EBF4: variants seen among roughly 807,000 people sequenced by gnomAD.
EBF4 encodes the protein transcription factor COE4.
Under a neutral mutation model 67.1 loss-of-function variants are expected in EBF4, and 34 were observed. The ratio of observed to expected loss-of-function variants is 0.51; its 90% CI spans 0.39 to 0.67. The LOEUF (loss-of-function observed/expected upper bound fraction) is 0.67, where lower values mean the gene tolerates loss of function less well. Ranked by LOEUF, EBF4 falls within the 30% of genes least tolerant of loss-of-function variation. The pLI is 0.00. For synonymous variants in EBF4, 387 were observed against 377.7 expected (o/e 1.02, Z -0.29); for missense variants, 837 against 873.3 (o/e 0.96, Z 0.52).
At chr20:2,705,248 A>C (rs1053121839) in intron 1 of EBF4, among the ~76,000 whole-genome samples, 1 of 152,184 alleles carries the variant, frequency 6.6e-6, no homozygotes, top group African/African-American at 2.4e-5. Flanking sequence ...ATTGGTTCAT[A>C]CTTTTGATTT....
intron 14 of EBF4, chr20:2,754,979 C>CCCCGCCA (rs1555789843): frequency 8.1e-6 from 1 of 123,930 alleles, no homozygotes. Flanking sequence ...CACCCCCCCC[C>CCCCGCCA]ACAGGGCCCA....
intron 8 of EBF4, 28 bp downstream of exon 8, chr20:2,749,546 G>A (rs888348642): frequency 6.5e-7 from 1 of 1,538,858 alleles, no homozygotes; most frequent in Non-Finnish European, 8.8e-7. Context: ...AGCCCCGGCC[G>A]CCGCGGGCCC....
chr20:2,718,941 G>A (rs964264335), intron 6 of EBF4, among the ~76,000 whole-genome samples: 17 of 151,914 alleles, frequency 1.1e-4, no homozygotes, highest in Non-Finnish European at 2.4e-4. Flanking sequence ...TACTGCTTTC[G>A]GAGCATACCC....
Position 2,739,205 on chromosome 20 carries a change from C to T in EBF4, c.558-9344C>T, listed in dbSNP as rs2087933481. On this transcript the variant is annotated intron_variant, in intron 6 of 16. Coordinates refer to ENST00000609451, the Ensembl canonical transcript of EBF4. The surrounding 1 kb of genome is among the most constrained non-coding windows in gnomAD (Gnocchi z 4.5). Reference sequence around the variant, plus strand: ...AGGGAGACATCCCCTGTAGCCTTCCCATCACCCAGAGGATCCAAGTCCCGC... The same window carrying T: ...AGGGAGACATCCCCTGTAGCCTTCCTATCACCCAGAGGATCCAAGTCCCGC... Among the ~76,000 whole-genome samples the T allele has an allele frequency of 6.6e-6, 1 of 152,150 alleles. No individual in the cohort carries two copies. Among genetic ancestry groups the T allele is most frequent in the Non-Finnish European group, 1.5e-5 (1 of 68,028 alleles).
chr20:2,697,253 G>C (rs554110227), intron 1 of EBF4, among the ~76,000 whole-genome samples: 2 of 152,156 alleles, frequency 1.3e-5, no homozygotes, highest in African/African-American at 4.8e-5. Context: ...GAGCAAAAGA[G>C]GGGTAGGGAG....
intron 6 of EBF4, among the ~76,000 whole-genome samples, chr20:2,731,384 C>A (rs749000389): frequency 3.9e-5 from 6 of 152,170 alleles, no homozygotes; most frequent in Non-Finnish European, 8.8e-5. Flanking sequence ...TAAGGTGACA[C>A]CCTCATCTGT....
At chr20:2,714,522 G>A (rs1389741608) in intron 6 of EBF4, among the ~76,000 whole-genome samples, 1 of 152,014 alleles carries the variant, frequency 6.6e-6, no homozygotes, top group Non-Finnish European at 1.5e-5. Context: ...CAGCTAACTT[G>A]TGTATTTTTT....
intron 6 of EBF4, among the ~76,000 whole-genome samples, chr20:2,744,371 G>C (rs376591043): frequency 6.6e-6 from 1 of 151,722 alleles, no homozygotes; most frequent in Non-Finnish European, 1.5e-5. Context: ...TAGTAAATGC[G>C]AGTCACTTTC....
At chr20:2,711,180 A>ATAAT (rs201756294) in intron 6 of EBF4, among the ~76,000 whole-genome samples, 9 of 144,596 alleles carry the variant, frequency 6.2e-5, no homozygotes, top group African/African-American at 2.4e-4. Context: ...AATAATAATA[A>ATAAT]AATTAAATTA....
At chr20:2,757,726 C>A (rs1404969737) in intron 15 of EBF4, among the ~76,000 whole-genome samples, 4 of 152,166 alleles carry the variant, frequency 2.6e-5, no homozygotes, top group Non-Finnish European at 4.4e-5. Flanking sequence ...GTGGGCAGAT[C>A]GCTTGAGATC....
intron 4 of EBF4, 51 bp downstream of exon 4, chr20:2,706,315 C>G: frequency 6.5e-7 from 1 of 1,547,156 alleles, no homozygotes; most frequent in Non-Finnish European, 8.7e-7. Context: ...TTCCCGGACC[C>G]TGCCTCCCCC....
At chr20:2,732,866 CT>C (rs1359560800) in intron 6 of EBF4, among the ~76,000 whole-genome samples, 6 of 151,846 alleles carry the variant, frequency 4.0e-5, no homozygotes, top group Admixed American at 3.3e-4. Flanking sequence ...CATATATCCC[CT>C]ATCCCCACAA....
intron 6 of EBF4, among the ~76,000 whole-genome samples, chr20:2,742,269 T>C (rs2087979214): frequency 1.3e-5 from 2 of 152,166 alleles, no homozygotes; most frequent in South Asian, 4.1e-4. Context: ...AAAGTGGGAA[T>C]GGTTGCAGAC....
In EBF4 at chr20:2,755,607, C is replaced by CCA; in HGVS notation, c.1541-20_1541-19insCA. The CCA allele has an allele frequency of 1.6e-5, 19 of 1,209,616 alleles. No homozygotes were observed. The highest frequency in any genetic ancestry group is 4.0e-5 in the Admixed American group (2 of 49,400). 74.9% of individuals were successfully genotyped at this position (1,209,616 alleles called of 1,614,324 possible). ...ACCACCTTCCCTGCTGCGCCTGCCC[C>CCA]TCCCCGCCCCGCCCCGGAGTCATGC... On this transcript the variant is annotated intron_variant, in intron 14 of 16. Coordinates refer to ENST00000609451, the Ensembl canonical transcript of EBF4. The surrounding 1 kb of genome is among the most constrained non-coding windows in gnomAD (Gnocchi z 4.7).
chr20:2,751,889 C>A lies in EBF4; in HGVS notation c.1108-33C>A, dbSNP rs559458802. ...CCCTTGGTCGCCCCCAGGGGCTGCC[C>A]CTCCGTCCCGCTGTCTCTCCCCCTG... On this transcript the variant is annotated intron_variant, in intron 11 of 16. Transcript: ENST00000609451. This position sits in a 1 kb window ranked among gnomAD's most constrained non-coding sequence, Gnocchi z 5.2. 1.2e-5 allele frequency: 19 copies of A among 1,549,078 alleles called. No individual in the cohort carries two copies. In the Admixed American group the frequency reaches 2.2e-4, roughly 18 times the overall value.
chr20:2,718,724 C>G (rs2087641821), intron 6 of EBF4, among the ~76,000 whole-genome samples: 2 of 152,162 alleles, frequency 1.3e-5, no homozygotes, highest in Admixed American at 1.3e-4. Context: ...TCTAAACAAA[C>G]CAGCTTTTGG....
At chr20:2,733,971 T>G (rs1031825108) in intron 6 of EBF4, among the ~76,000 whole-genome samples, 1 of 152,214 alleles carries the variant, frequency 6.6e-6, no homozygotes, top group Non-Finnish European at 1.5e-5. Flanking sequence ...TCTTTTCTAC[T>G]TCAGAATTTC....
chr20:2,706,531 G>C (rs1006179565), intron 4 of EBF4, among the ~76,000 whole-genome samples: 1 of 152,210 alleles, frequency 6.6e-6, no homozygotes, highest in Admixed American at 6.5e-5. Context: ...CTCAGGTGCA[G>C]GTAGTTTATT....
rs11905323 is a variant in EBF4, at chr20:2,736,325, G to T, written c.558-12224G>T. ...TCAGTGACACTATTGGAATAGTTTA[G>T]GTCCGAGCCACCTGGCAAAGGTAAG... On this transcript the variant is annotated intron_variant, in intron 6 of 16. Transcript: ENST00000609451. Among the ~76,000 whole-genome samples the T allele has an allele frequency of 8.1e-4, 124 of 152,236 alleles. 1 individual carries two copies. Among genetic ancestry groups the T allele is most frequent in the African/African-American group, 2.8e-3 (116 of 41,530 alleles).
Sources: gnomAD v4.1 joint callset for allele counts (sites outside exome capture counted in the v4.1 genomes callset) on GRCh38, gnomAD v4.1.1 for gene constraint, Gnocchi (gnomAD v3.1) non-coding constraint, MANE v1.5 for transcripts, NCBI Gene and HGNC (gene_info 2026-07-23, HGNC 2026-07-21) for gene names.